The following LBP variants were observed in gnomAD, a reference collection of about 807,000 sequenced individuals.
LBP encodes the protein lipopolysaccharide binding protein.
A neutral mutation model predicts 56.6 loss-of-function variants in LBP; 53 were observed. That is an observed-to-expected ratio of 0.94 (90% CI 0.75 to 1.18). LBP has a LOEUF of 1.18. LBP is among the 50% of genes most tolerant of loss of function. The pLI, the probability that LBP is intolerant of heterozygous loss-of-function variation, is 0.00. For missense variants in LBP, 601 were observed against 598.3 expected (o/e 1.00, Z -0.05); for synonymous variants, 227 against 247.5 (o/e 0.92, Z 0.78).
At chr20:38,363,610 G>T (rs1387592899) in intron 6 of LBP, among the ~76,000 whole-genome samples, 1 of 152,172 alleles carries the variant, frequency 6.6e-6, no homozygotes, top group Admixed American at 6.5e-5. Context: ...TTTTGGAGGG[G>T]AGTGTCTGGG....
intron 5 of LBP, among the ~76,000 whole-genome samples, chr20:38,360,259 C>CAA (rs11478545): frequency 2.5e-5 from 3 of 118,432 alleles, no homozygotes; most frequent in Non-Finnish European, 1.8e-5. Flanking sequence ...GACTCCATCT[C>CAA]AAAAAAAAAA....
At chr20:38,361,819 CAG>C (rs1185771758) in intron 6 of LBP, among the ~76,000 whole-genome samples, 1 of 152,018 alleles carries the variant, frequency 6.6e-6, no homozygotes, top group African/African-American at 2.4e-5. Context: ...AACCGAGAAA[CAG>C]AACACGGCTG....
intron 8 of LBP, among the ~76,000 whole-genome samples, chr20:38,366,191 T>C (rs1434789388): frequency 4.6e-5 from 7 of 152,160 alleles, no homozygotes; most frequent in Non-Finnish European, 2.9e-5. Context: ...CTGGTATAAG[T>C]CAGGGGCCGT....
chr20:38,370,925 C>T, intron 11 of LBP, 120 bp downstream of exon 11: 1 of 822,198 alleles, frequency 1.2e-6, no homozygotes, highest in Non-Finnish European at 2.1e-6. Flanking sequence ...TTACATTTCA[C>T]CCCAATTGGC....
At chr20:38,366,317 A>G (rs2076881707) in intron 8 of LBP, among the ~76,000 whole-genome samples, 3 of 152,076 alleles carry the variant, frequency 2.0e-5, no homozygotes, top group Admixed American at 2.0e-4. Context: ...CTCTCTTTCA[A>G]TGGGATGATA....
intron 6 of LBP, among the ~76,000 whole-genome samples, chr20:38,361,902 T>C (rs1042445406): frequency 1.3e-5 from 2 of 152,030 alleles, no homozygotes; most frequent in Non-Finnish European, 2.9e-5. Context: ...TCCCAACTTC[T>C]ACCAGCAAAG....
chr20:38,374,142 G>A (rs1488024808), intron 14 of LBP, 129 bp downstream of exon 14: 7 of 891,928 alleles, frequency 7.8e-6, no homozygotes, highest in African/African-American at 1.7e-5. Context: ...CCAGGGGCAG[G>A]ACGGGTGCTC....
chr20:38,362,730 T>C (rs1328441572), intron 6 of LBP, among the ~76,000 whole-genome samples: 1 of 151,030 alleles, frequency 6.6e-6, no homozygotes, highest in East Asian at 2.0e-4. Flanking sequence ...GGAGTATCAC[T>C]TCAGTTCAGG....
Position 38,366,770 on chromosome 20 carries a change from T to G in LBP, c.923T>G (p.Ile308Arg), listed in dbSNP as rs762450171. Reference sequence around the variant, plus strand: ...CTTCTTCATGTCTCTTTGCTGCAGATACCGCCTGACTCTAATATCCGACTG... The same window carrying G: ...CTTCTTCATGTCTCTTTGCTGCAGAGACCGCCTGACTCTAATATCCGACTG... The part of the protein sequence containing the change: ...YLNFSITDDM[I>R]PPDSNIRLTT... Residue 308 changes from isoleucine to arginine, a missense_variant and splice_region_variant, in exon 9 of 15, where the codon ATA (isoleucine) becomes AGA (arginine). Transcript: ENST00000217407. The G allele has an allele frequency of 4.3e-6, 7 of 1,614,092 alleles. No homozygotes were observed. The South Asian group carries it at 7.7e-5, about 18-fold the overall frequency.
chr20:38,348,787 A>AGCTTAGTTTT (rs2076810187), intron 1 of LBP, among the ~76,000 whole-genome samples: 1 of 135,512 alleles, frequency 7.4e-6, no homozygotes, highest in Non-Finnish European at 1.6e-5. Context: ...AGTTTAGTTT[A>AGCTTAGTTTT]GTTTTGTTTT....
chr20:38,373,190 A>G, intron 13 of LBP, 55 bp downstream of exon 13: 2 of 1,491,484 alleles, frequency 1.3e-6, no homozygotes, highest in Non-Finnish European at 1.9e-6. Context: ...TGTCTGGAGG[A>G]AAGAGAGTTG....
At position 38,355,485 on chromosome 20, in the gene LBP, T is replaced by C. The variant is rs2076835682; in HGVS notation, c.588+76T>C. 1.9e-5 allele frequency: 25 copies of C among 1,298,790 alleles called. No individual in the cohort carries two copies. In the South Asian group the frequency reaches 2.8e-4, roughly 15 times the overall value. The allele number at this position is 1,298,790 out of a possible 1,614,324, so 80.5% of individuals were successfully genotyped here. On this transcript the variant is annotated intron_variant, in intron 5 of 14. Coordinates refer to ENST00000217407, the MANE Select transcript of LBP (RefSeq NM_004139.5). ...GGAAGACCTCACTGACCAATGGCCC[T>C]GGACCAGGCCATGGGGGCTGGTTTA...
chr20:38,376,737 G>A lies in LBP; in HGVS notation c.*68G>A, dbSNP rs1321822486. The A allele has an allele frequency of 1.3e-5, 18 of 1,436,466 alleles. No individual in the cohort carries two copies. Among genetic ancestry groups the A allele is most frequent in the South Asian group, 3.4e-5 (3 of 87,436 alleles). The allele number at this position is 1,436,466 out of a possible 1,614,324, so 89.0% of individuals were successfully genotyped here. On this transcript the variant is annotated 3_prime_UTR_variant, in exon 15 of 15. Coordinates refer to ENST00000217407, the MANE Select transcript of LBP (RefSeq NM_004139.5). ...TGTTGCATTTCCAGCTGTGCAGCAC[G>A]TCTCAGAGATTCTTGAAGAATGAAG...
chr20:38,351,211 T>C (rs978979373), intron 3 of LBP, among the ~76,000 whole-genome samples: 2 of 152,160 alleles, frequency 1.3e-5, no homozygotes, highest in Non-Finnish European at 2.9e-5. Flanking sequence ...GTCTCCTTGG[T>C]TTGCTTCCCA....
chr20:38,353,989 A>G (rs947564884), intron 3 of LBP, among the ~76,000 whole-genome samples: 7 of 151,720 alleles, frequency 4.6e-5, no homozygotes, highest in African/African-American at 1.2e-4. Context: ...TTTACTTTAC[A>G]TATGGCATTT....
At chr20:38,364,496 C>A (rs540797583) in intron 7 of LBP, 80 bp from the exon 8 acceptor site, 18 of 1,339,264 alleles carry the variant, frequency 1.3e-5, no homozygotes, top group Non-Finnish European at 1.7e-5. Context: ...GTCCCTTCAT[C>A]GGACTGTGTA....
chr20:38,356,452 A>C (rs902641229), intron 5 of LBP, among the ~76,000 whole-genome samples: 13 of 82,324 alleles, frequency 1.6e-4, no homozygotes, highest in Non-Finnish European at 2.7e-4. Context: ...ACACACACAC[A>C]CACCCTCGTC....
intron 14 of LBP, among the ~76,000 whole-genome samples, chr20:38,375,465 C>T (rs1226470525): frequency 6.6e-6 from 1 of 151,788 alleles, no homozygotes; most frequent in Non-Finnish European, 1.5e-5. Context: ...CCTGTAATCC[C>T]AGCTACTTAG....
chr20:38,361,112 A>G (rs1327081264), intron 6 of LBP, among the ~76,000 whole-genome samples: 1 of 151,800 alleles, frequency 6.6e-6, no homozygotes, highest in Non-Finnish European at 1.5e-5. Context: ...CAGTGAGCCA[A>G]GATCACGCCA....
Sources: allele counts gnomAD v4.1 joint callset (sites outside exome capture counted in the v4.1 genomes callset), GRCh38; gene constraint gnomAD v4.1.1; transcripts MANE v1.5; gene names NCBI Gene and HGNC (gene_info 2026-07-23, HGNC 2026-07-21).